Variants in SUCLG2 observed in about 807,000 individuals in gnomAD.
SUCLG2 encodes the protein succinate--CoA ligase [GDP-forming] subunit beta, mitochondrial.
SUCLG2 carries 42 observed loss-of-function variants against 47.9 expected under a neutral mutation model. The observed-to-expected ratio is 0.88, with a 90% CI of 0.69 to 1.14. The LOEUF is 1.14. Ranked by LOEUF, SUCLG2 falls within the 50% of genes most tolerant of loss-of-function variation. The pLI is 0.00. For missense variants in SUCLG2, 571 were observed against 525.9 expected, an observed-to-expected ratio of 1.09 and a Z score of -0.84; for synonymous variants, 195 against 197.3, an observed-to-expected ratio of 0.99 and a Z score of 0.10.
intron 6 of SUCLG2, among the ~76,000 whole-genome samples, chr3:67,516,753 T>C (rs1705955643): frequency 6.6e-6 from 1 of 152,112 alleles, no homozygotes; most frequent in African/African-American, 2.4e-5. Flanking sequence ...TGCAAATAAA[T>C]AAGAGAAATA....
chr3:67,401,828 C>A (rs1702689672), intron 9 of SUCLG2, among the ~76,000 whole-genome samples: 1 of 152,178 alleles, frequency 6.6e-6, no homozygotes, highest in Admixed American at 6.5e-5. Flanking sequence ...TTATTTCTGT[C>A]TGTTAAATTA....
intron 2 of SUCLG2, among the ~76,000 whole-genome samples, chr3:67,596,662 G>A (rs1708300623): frequency 6.6e-6 from 1 of 152,086 alleles, no homozygotes; most frequent in South Asian, 2.1e-4. Flanking sequence ...TCATCCTTGT[G>A]CCCAACCAAC....
intron 9 of SUCLG2, chr3:67,409,069 T>C: frequency 1.3e-6 from 2 of 1,526,068 alleles, no homozygotes; most frequent in Non-Finnish European, 8.8e-7. Context: ...AGATATCTTG[T>C]ATAGGTTTGT....
At chr3:67,548,529 A>C (rs1706927258) in intron 2 of SUCLG2, among the ~76,000 whole-genome samples, 1 of 152,236 alleles carries the variant, frequency 6.6e-6, no homozygotes, top group South Asian at 2.1e-4. Flanking sequence ...ATTAATTTAT[A>C]ATAAACATTA....
intron 2 of SUCLG2, among the ~76,000 whole-genome samples, chr3:67,571,800 A>C (rs1707618690): frequency 6.6e-6 from 1 of 152,220 alleles, no homozygotes; most frequent in Admixed American, 6.5e-5. Flanking sequence ...GGACTCCTGG[A>C]TCTCATAAAT....
At chr3:67,618,677 T>C (rs1700674923) in intron 1 of SUCLG2, among the ~76,000 whole-genome samples, 1 of 152,208 alleles carries the variant, frequency 6.6e-6, no homozygotes. Context: ...AATTAAAAAC[T>C]ACTTGGAACC....
intron 2 of SUCLG2, among the ~76,000 whole-genome samples, chr3:67,593,047 A>G (rs1427472659): frequency 6.6e-6 from 1 of 152,234 alleles, no homozygotes; most frequent in Non-Finnish European, 1.5e-5. Flanking sequence ...TTCTTCTGAT[A>G]CAATTTGTGT....
At chr3:67,503,721 T>C (rs559289327) in intron 7 of SUCLG2, among the ~76,000 whole-genome samples, 14 of 152,334 alleles carry the variant, frequency 9.2e-5, no homozygotes. Context: ...TAAAACAATT[T>C]TCACCATCAA....
At chr3:67,513,588 G>C (rs1705855860) in intron 6 of SUCLG2, among the ~76,000 whole-genome samples, 1 of 152,190 alleles carries the variant, frequency 6.6e-6, no homozygotes, top group Non-Finnish European at 1.5e-5. Flanking sequence ...AGGTGTAACA[G>C]GGAATGGCAT....
chr3:67,396,076 T>C (rs1296470407), intron 10 of SUCLG2, among the ~76,000 whole-genome samples: 5 of 151,268 alleles, frequency 3.3e-5, no homozygotes, highest in Middle Eastern at 3.4e-3. Context: ...GCAGGAAAGA[T>C]CCAAAATTGA....
chr3:67,422,937 G>A (rs1703205156), intron 9 of SUCLG2, among the ~76,000 whole-genome samples: 1 of 152,148 alleles, frequency 6.6e-6, no homozygotes, highest in Non-Finnish European at 1.5e-5. Flanking sequence ...GAGAATGGAA[G>A]GTAGAATTAT....
intron 2 of SUCLG2, among the ~76,000 whole-genome samples, chr3:67,537,916 G>C (rs765137921): frequency 1.3e-5 from 2 of 152,078 alleles, no homozygotes; most frequent in African/African-American, 2.4e-5. Flanking sequence ...TGATGGGTTT[G>C]TTTTCTTCTT....
Position 67,654,517 on chromosome 3 carries a change from C to G in SUCLG2, c.70G>C (p.Ala24Pro). ...CCCACGCTCACCTGGGACCCGGCCG[C>G]CAGGAAGCGGGGCCGCAGCGCTAGG... Reference protein sequence around the residue: ...RALALRPRFLAAGSQAVQLTS... With the variant: ...RALALRPRFLPAGSQAVQLTS... Residue 24 changes from alanine (A) to proline (P), a missense_variant, in exon 1 of 11, where the codon GCG (alanine) becomes CCG (proline). Coordinates refer to ENST00000307227, the MANE Select transcript of SUCLG2 (RefSeq NM_003848.4). 8.0e-7 allele frequency: 1 copy of G among 1,246,554 alleles called. No individual in the cohort carries two copies. Among genetic ancestry groups the G allele is most frequent in the East Asian group, 3.1e-5 (1 of 32,462 alleles). 77.2% of individuals were successfully genotyped at this position (1,246,554 alleles called of 1,614,324 possible).
At chr3:67,458,618 A>T (rs1269229573) in intron 9 of SUCLG2, among the ~76,000 whole-genome samples, 12 of 152,152 alleles carry the variant, frequency 7.9e-5, no homozygotes, top group Non-Finnish European at 1.8e-4. Context: ...CTTATTGTTT[A>T]TACAGTGGTT....
rs370667248 is a variant in SUCLG2 at position 67,528,183 on chromosome 3, C to A, written c.366G>T (p.Gly122=). Residue 122 remains glycine, a synonymous_variant, in exon 4 of 11, where the codon GGG becomes GGT. Transcript: ENST00000307227. ...GAGTTTGTTTTGTCGCTAGATTGTA[C>A]CCAATCATCTGTTTAGCCAGCTGTC... ...VVGQLAKQMI[G]YNLATKQTPK... is the part of the protein sequence containing the mutation. The A allele has an allele frequency of 8.1e-6, 13 of 1,613,720 alleles. No individual in the cohort carries two copies. Among genetic ancestry groups the A allele is most frequent in the African/African-American group, 8.0e-5 (6 of 74,878 alleles).
chr3:67,449,883 G>A (rs9828219), intron 9 of SUCLG2, among the ~76,000 whole-genome samples: 2 of 152,032 alleles, frequency 1.3e-5, no homozygotes, highest in Non-Finnish European at 2.9e-5. Flanking sequence ...AAAGTGATGG[G>A]ATTACAGGCA....
At chr3:67,373,398 TAAC>T (rs903601253), downstream of SUCLG2, among the ~76,000 whole-genome samples, 2 of 152,046 alleles carry the variant, frequency 1.3e-5, no homozygotes, top group Non-Finnish European at 2.9e-5. Context: ...AAAGGATTAA[TAAC>T]AAGCAAATAG....
At chr3:67,598,958 C>T (rs1216010549) in intron 2 of SUCLG2, among the ~76,000 whole-genome samples, 1 of 152,184 alleles carries the variant, frequency 6.6e-6, no homozygotes, top group African/African-American at 2.4e-5. Context: ...ACAGTGCCTT[C>T]TCAAAGACAT....
At chr3:67,642,019 G>A (rs1172791367) in intron 1 of SUCLG2, among the ~76,000 whole-genome samples, 4 of 152,026 alleles carry the variant, frequency 2.6e-5, no homozygotes, top group African/African-American at 9.7e-5. Context: ...ATTGAATTAG[G>A]GCCCTCCCTA....
Sources: allele counts gnomAD v4.1 joint callset (sites outside exome capture counted in the v4.1 genomes callset), GRCh38; gene constraint gnomAD v4.1.1; transcripts MANE v1.5; gene names NCBI Gene and HGNC (gene_info 2026-07-23, HGNC 2026-07-21).